The following DNHD1 variants were observed in gnomAD, a reference collection of about 807,000 sequenced individuals.
DNHD1 encodes the protein dynein heavy chain domain-containing protein 1.
DNHD1 carries 383 observed loss-of-function variants against 458.1 expected under a neutral mutation model. The ratio of observed to expected loss-of-function variants is 0.84; its 90% CI spans 0.77 to 0.91. The LOEUF (loss-of-function observed/expected upper bound fraction) is 0.91, where lower values mean the gene tolerates loss of function less well. Among genes scored for constraint, DNHD1 ranks in the 40% least tolerant of loss-of-function variants. DNHD1 has a pLI of 0.00. For missense variants in DNHD1, 5,336 were observed against 5,866.1 expected (o/e 0.91, Z 2.95); for synonymous variants, 2,203 against 2,376.9 (o/e 0.93, Z 2.13).
intron 10 of DNHD1, 146 bp downstream of exon 10, chr11:6,520,435 C>T: frequency 6.7e-7 from 1 of 1,492,690 alleles, no homozygotes; most frequent in Non-Finnish European, 8.9e-7. Flanking sequence ...GGGTACTGCA[C>T]ATATGTGTTG....
At chr11:6,536,629 T>C (rs1176590081) in intron 14 of DNHD1, among the ~76,000 whole-genome samples, 1 of 152,220 alleles carries the variant, frequency 6.6e-6, no homozygotes, top group Non-Finnish European at 1.5e-5. Flanking sequence ...CACAATTTTT[T>C]TTTACTACTT....
chr11:6,549,104 C>G, intron 24 of DNHD1, 171 bp downstream of exon 24: 2 of 712,822 alleles, frequency 2.8e-6, no homozygotes, highest in Non-Finnish European at 2.3e-6. Flanking sequence ...CATCCACTCT[C>G]ATGGCCTCAT....
In DNHD1 at chr11:6,566,979, G is replaced by T; in HGVS notation, c.11470G>T (p.Gly3824Ter). ...KFLRNIVRAQ[G>*]KLCQLRAHCE... Reference sequence around the variant, plus strand: ...TCTGCGGAACATAGTGAGGGCCCAAGGAAAGCTATGCCAGCTGCGTGCTCA... The same window carrying T: ...TCTGCGGAACATAGTGAGGGCCCAATGAAAGCTATGCCAGCTGCGTGCTCA... The change falls in exon 36 of 43, where the codon GGA (glycine) becomes TGA (stop). Residue 3824 changes from glycine to a stop codon, truncating the protein, a stop_gained. Transcript: ENST00000254579. LOFTEE classifies it high-confidence loss of function. 3 of 1,614,016 alleles carry T rather than the reference G, an allele frequency of 1.9e-6. No individual in the cohort carries two copies. The highest frequency in any genetic ancestry group is 2.5e-6 in the Non-Finnish European group (3 of 1,179,880).
chr11:6,570,402 CCTCA>C lies in DNHD1; in HGVS notation c.13105+11_13105+14del. The stretch of plus-strand genomic sequence containing the variant: ...CACGCTCATGCCCCTCCCAGGTAAG[CCTCA>C]CTCAGGTATCTGTTTTGGGGTAGGG... On this transcript the variant is annotated splice_region_variant and intron_variant, in intron 41 of 42. Transcript: ENST00000254579. 1 of 1,604,148 alleles carries C rather than the reference CCTCA, an allele frequency of 6.2e-7. No homozygotes were observed. Among genetic ancestry groups the C allele is most frequent in the Non-Finnish European group, 8.5e-7 (1 of 1,175,326 alleles).
rs754087164 is a variant in DNHD1, at chr11:6,566,558, A to G, written c.11207-29A>G. On this transcript the variant is annotated intron_variant, in intron 34 of 42. Transcript: ENST00000254579. ...ACCCCCTGGCTCTGCCAAGGGGAAG[A>G]GGTTAAGCATCTCCCATGTTACCCC... 1.2e-5 allele frequency: 20 copies of G among 1,611,098 alleles called. No individual in the cohort carries two copies. The Admixed American group carries it at 2.3e-4, about 19-fold the overall frequency.
chr11:6,560,608 A>G lies in DNHD1; in HGVS notation c.9519+1325A>G, dbSNP rs181451250. Among the ~76,000 whole-genome samples, 62 of 152,298 alleles carry G rather than the reference A, an allele frequency of 4.1e-4. No homozygotes were observed. In the Middle Eastern group the frequency reaches 0.01, roughly 25 times the overall value. ...GTATTCCTTGATCTGTGAGTCAGTT[A>G]CACCAGAGCAGAACACAGTAAGCCA... is the stretch of plus-strand genomic sequence containing the variant. On this transcript the variant is annotated intron_variant, in intron 28 of 42. Coordinates refer to ENST00000254579, the MANE Select transcript of DNHD1 (RefSeq NM_144666.3).
In DNHD1 at chr11:6,540,029, C is replaced by T. The variant is rs902905314; in HGVS notation, c.3574C>T (p.Arg1192Cys). ...AGAGCGCTCCAAGAGGCAGGTGCTCCGCAGCCCCCAATGGGAGGTAGTGGA... is the reference window on the plus strand; with the variant it reads ...AGAGCGCTCCAAGAGGCAGGTGCTCTGCAGCCCCCAATGGGAGGTAGTGGA... ...ASERSKRQVLRSPQWEVVDKD... is the reference protein window; with the variant it reads ...ASERSKRQVLCSPQWEVVDKD... The change falls in exon 18 of 43, where the codon CGC becomes TGC. Residue 1192 changes from arginine to cysteine, a missense_variant. By Grantham distance (180) the Arg-to-Cys change is radical. Coordinates refer to ENST00000254579, the MANE Select transcript of DNHD1 (RefSeq NM_144666.3). 74 of 1,551,674 alleles carry T rather than the reference C, an allele frequency of 4.8e-5. No homozygotes were observed. Among genetic ancestry groups the T allele is most frequent in the East Asian group, 2.9e-4 (12 of 40,920 alleles).
At position 6,566,773 on chromosome 11, in the gene DNHD1, G is replaced by A; in HGVS notation, c.11385+8G>A. The A allele has an allele frequency of 1.2e-6, 2 of 1,608,034 alleles. No individual in the cohort carries two copies. The highest frequency in any genetic ancestry group is 1.7e-5 in the Admixed American group (1 of 59,030). ...GCTGTGGAGGCTGCTGAGGTGCTTG[G>A]GGGCTCAGTCTGTGGGTTGAGATGA... On this transcript the variant is annotated splice_region_variant and intron_variant, in intron 35 of 42. Transcript: ENST00000254579.
chr11:6,523,217 G>C (rs1275634514), intron 10 of DNHD1, among the ~76,000 whole-genome samples: 3 of 152,166 alleles, frequency 2.0e-5, no homozygotes, highest in Non-Finnish European at 1.5e-5. Flanking sequence ...TGTACGTTTT[G>C]GTTGGGATGC....
In DNHD1 at chr11:6,498,747, A is replaced by G; in HGVS notation, c.532A>G (p.Lys178Glu). 6.2e-7 allele frequency: 1 copy of G among 1,614,138 alleles called. No homozygotes were observed. Among genetic ancestry groups the G allele is most frequent in the Non-Finnish European group, 8.5e-7 (1 of 1,180,004 alleles). ...GGCCCAGTGGAGCAGGCAGCAAGTA[A>G]AGGAGGAGCTGGCCACCTGGCTGCG... ...VQAQWSRQQVKEELATWLRPL... is the reference protein window; with the variant it reads ...VQAQWSRQQVEEELATWLRPL... The change falls in exon 3 of 43, where the codon AAG becomes GAG. Residue 178 changes from lysine (K) to glutamate (E), a missense_variant. Lys to Glu is a moderately conservative substitution (Grantham distance 56, BLOSUM62 1). Coordinates refer to ENST00000254579, the MANE Select transcript of DNHD1 (RefSeq NM_144666.3).
chr11:6,516,412 C>G (rs978724657), intron 7 of DNHD1, among the ~76,000 whole-genome samples: 1 of 151,598 alleles, frequency 6.6e-6, no homozygotes, highest in African/African-American at 2.4e-5. Flanking sequence ...ATTCTCCTAC[C>G]TCAGCCTCCC....
chr11:6,568,301 G>A (rs1453742919), intron 37 of DNHD1, 59 bp downstream of exon 37: 9 of 1,526,912 alleles, frequency 5.9e-6, no homozygotes, highest in African/African-American at 4.1e-5. Context: ...GCCTTAGCTT[G>A]AAATCTCAGG....
chr11:6,511,218 G>A (rs1012687092), intron 6 of DNHD1, 55 bp from the exon 7 acceptor site: 4 of 1,596,098 alleles, frequency 2.5e-6, no homozygotes, highest in African/African-American at 2.7e-5. Flanking sequence ...GAGGTCAAAG[G>A]TATCCAAGGA....
Position 6,548,069 on chromosome 11 carries a change from G to A in DNHD1, c.6905+29G>A. 1 of 1,551,602 alleles carries A rather than the reference G, an allele frequency of 6.4e-7. No individual in the cohort carries two copies. Among genetic ancestry groups the A allele is most frequent in the Non-Finnish European group, 8.7e-7 (1 of 1,146,912 alleles). On this transcript the variant is annotated intron_variant, in intron 22 of 42. Transcript: ENST00000254579. The surrounding 1 kb of genome is among the most constrained non-coding windows in gnomAD (Gnocchi z 4.4). The stretch of plus-strand genomic sequence containing the variant: ...CCTACCAGGATGGGGGATGGGAGAT[G>A]CAGAGGGCTGAGATGGACTGGCCCA...
rs201264043 is a variant in DNHD1, at chr11:6,566,849, G to A, written c.11386-46G>A. 237 of 1,599,978 alleles carry A rather than the reference G, an allele frequency of 1.5e-4. 1 individual carries two copies. The highest frequency in any genetic ancestry group is 9.7e-4 in the Admixed American group (57 of 59,038). On this transcript the variant is annotated intron_variant, in intron 35 of 42. Coordinates refer to ENST00000254579, the MANE Select transcript of DNHD1 (RefSeq NM_144666.3). Reference sequence around the variant, plus strand: ...GTGGAGATGAATGTAGATGTTTGGGGTCTGTGGGAAAGGGCCAGATCCATC... The same window carrying A: ...GTGGAGATGAATGTAGATGTTTGGGATCTGTGGGAAAGGGCCAGATCCATC...
chr11:6,524,200 A>G (rs965197507), intron 10 of DNHD1, among the ~76,000 whole-genome samples: 1 of 152,160 alleles, frequency 6.6e-6, no homozygotes. Context: ...ACCTAGAATC[A>G]CTGCTCTTCA....
At position 6,557,777 on chromosome 11, in the gene DNHD1, G is replaced by A; in HGVS notation, c.8482G>A (p.Gly2828Arg). 1 of 1,551,572 alleles carries A rather than the reference G, an allele frequency of 6.4e-7. No individual in the cohort carries two copies. Among genetic ancestry groups the A allele is most frequent in the Non-Finnish European group, 8.7e-7 (1 of 1,146,976 alleles). ...GGTCTTCAGTCAGGAGCTGATACTG[G>A]GGCCTAACTCTGAGACCCCCAACTT... ...DLVFSQELILGPNSETPNLYL... is the reference protein window; with the variant it reads ...DLVFSQELILRPNSETPNLYL... The change falls in exon 25 of 43, where the codon GGG becomes AGG. Residue 2828 changes from glycine to arginine, a missense_variant. This residue lies in a region of DNHD1 where 3,932 missense variants were observed against 4,365.6 expected (regional missense o/e 0.90). Transcript: ENST00000254579.
intron 3 of DNHD1, among the ~76,000 whole-genome samples, chr11:6,501,819 C>A (rs554219478): frequency 2.2e-4 from 33 of 152,286 alleles, no homozygotes; most frequent in Non-Finnish European, 1.5e-5. Context: ...TAGGACTTTG[C>A]TGAGAAAATG....
chr11:6,566,974 C>T lies in DNHD1; in HGVS notation c.11465C>T (p.Ala3822Val). 6.2e-7 allele frequency: 1 copy of T among 1,613,934 alleles called. No homozygotes were observed. Among genetic ancestry groups the T allele is most frequent in the Non-Finnish European group, 8.5e-7 (1 of 1,179,856 alleles). ...PAKFLRNIVRAQGKLCQLRAH... is the reference protein window; with the variant it reads ...PAKFLRNIVRVQGKLCQLRAH... ...AAGTTTCTGCGGAACATAGTGAGGG[C>T]CCAAGGAAAGCTATGCCAGCTGCGT... Residue 3822 changes from alanine to valine, a missense_variant, in exon 36 of 43, where the codon GCC becomes GTC. Coordinates refer to ENST00000254579, the MANE Select transcript of DNHD1 (RefSeq NM_144666.3).
Sources: gnomAD v4.1 joint callset for allele counts (sites outside exome capture counted in the v4.1 genomes callset) on GRCh38, gnomAD v4.1.1 for gene constraint, gnomAD v4.1.1 regional missense constraint, Gnocchi (gnomAD v3.1) non-coding constraint, MANE v1.5 for transcripts, NCBI Gene and HGNC (gene_info 2026-07-23, HGNC 2026-07-21) for gene names.